TMEM33: variants seen among roughly 807,000 people sequenced by gnomAD.
The protein encoded by TMEM33 is transmembrane protein 33.
TMEM33 carries 16 observed loss-of-function variants against 29.7 expected under a neutral mutation model. The ratio of observed to expected loss-of-function variants is 0.54; its 90% confidence interval spans 0.36 to 0.82. TMEM33 has a LOEUF of 0.82. Among genes scored for constraint, TMEM33 ranks in the 40% least tolerant of loss-of-function variants. TMEM33 has a pLI of 0.00. For missense variants in TMEM33, 252 were observed against 295.3 expected (o/e 0.85, Z 1.08); for synonymous variants, 112 against 109.4 (o/e 1.02, Z -0.15).
intron 6 of TMEM33, among the ~76,000 whole-genome samples, chr4:41,953,485 G>A (rs1189142863): frequency 2.0e-5 from 3 of 152,178 alleles, no homozygotes; most frequent in Non-Finnish European, 4.4e-5. Flanking sequence ...CTTTTCCTTT[G>A]CATTCACAGC....
At chr4:41,950,058 G>C (rs1446224924) in intron 6 of TMEM33, among the ~76,000 whole-genome samples, 1 of 152,098 alleles carries the variant, frequency 6.6e-6, no homozygotes, top group African/African-American at 2.4e-5. Context: ...AAGAAGTTTG[G>C]AATTTATCTT....
At chr4:41,939,670 A>G in intron 3 of TMEM33, 1 of 503,788 alleles carries the variant, frequency 2.0e-6, no homozygotes, top group South Asian at 1.5e-5. Flanking sequence ...CTTACGCAGA[A>G]CTTACTTTAA....
At chr4:41,937,008 CTG>C (rs1022141217) in intron 1 of TMEM33, among the ~76,000 whole-genome samples, 4 of 150,634 alleles carry the variant, frequency 2.7e-5, no homozygotes, top group Admixed American at 6.6e-5. Flanking sequence ...TACTGTGACA[CTG>C]TGTGAATATT....
At position 41,958,660 on chromosome 4, in the gene TMEM33, A is replaced by G. The variant is rs1406787023; in HGVS notation, c.*4461A>G. The G allele has an allele frequency of 6.6e-6, 1 of 151,230 alleles. No homozygotes were observed. Among genetic ancestry groups the G allele is most frequent in the African/African-American group, 2.4e-5 (1 of 40,896 alleles). 9.4% of individuals were successfully genotyped at this position (151,230 alleles called of 1,614,324 possible). A position where few individuals can be genotyped will look rare whatever the true frequency, so the allele number is the denominator to read the frequency against. On this transcript the variant is annotated 3_prime_UTR_variant, in exon 7 of 7. Coordinates refer to ENST00000504986, the MANE Select transcript of TMEM33 (RefSeq NM_018126.3). ...ATGAGGAATGGCACCTAGATTTGAA[A>G]ATTATGCTTGGCTTGTAGAGACAAC...
rs999942308 is a variant in TMEM33 at position 41,958,043 on chromosome 4, C to T, written c.*3844C>T. ...CTTGTTTGTTTTTGAGACGGAGTTT[C>T]ACTCTTGTTGGCCAGGCTGGAGTGC... On this transcript the variant is annotated 3_prime_UTR_variant, in exon 7 of 7. Coordinates refer to ENST00000504986, the MANE Select transcript of TMEM33 (RefSeq NM_018126.3). 2 of 153,006 alleles carry T rather than the reference C, an allele frequency of 1.3e-5. No homozygotes were observed. Among genetic ancestry groups the T allele is most frequent in the Non-Finnish European group, 2.9e-5 (2 of 68,744 alleles). The allele number at this position is 153,006 out of a possible 1,614,324, so 9.5% of individuals were successfully genotyped here.
intron 6 of TMEM33, among the ~76,000 whole-genome samples, chr4:41,951,628 C>G (rs991962888): frequency 1.3e-5 from 2 of 152,192 alleles, no homozygotes; most frequent in Non-Finnish European, 2.9e-5. Flanking sequence ...ATTAAAATAT[C>G]TTCTTTCAGA....
At position 41,958,700 on chromosome 4, in the gene TMEM33, C is replaced by CTTTTTT. The variant is rs750862386; in HGVS notation, c.*4522_*4527dup. The CTTTTTT allele has an allele frequency of 5.3e-5, 5 of 93,784 alleles. No homozygotes were observed. Among genetic ancestry groups the CTTTTTT allele is most frequent in the African/African-American group, 9.6e-5 (2 of 20,792 alleles). The allele number at this position is 93,784 out of a possible 1,614,324, so 5.8% of individuals were successfully genotyped here. ...GTAGAGACAACTAGTTTCTCTCGCT[C>CTTTTTT]TTTTTTTTTTTTTTTTTTTTTTTTT... is the stretch of plus-strand genomic sequence containing the variant. On this transcript the variant is annotated 3_prime_UTR_variant, in exon 7 of 7. Transcript: ENST00000504986.
rs1713163628 is a variant in TMEM33 at position 41,954,189 on chromosome 4, C to G, written c.734C>G (p.Thr245Arg). The G allele has an allele frequency of 1.2e-6, 2 of 1,613,644 alleles. No homozygotes were observed. Among genetic ancestry groups the G allele is most frequent in the Admixed American group, 3.3e-5 (2 of 59,992 alleles). ...GCCTTTATAAGCAGATTGGCACCAA[C>G]AGTTCCATAGTTTAACATCTAGTTA... Reference protein sequence around the residue: ...SIAFISRLAPTVP With the variant: ...SIAFISRLAPRVP The change falls in exon 7 of 7, where the codon ACA (threonine) becomes AGA (arginine). Residue 245 changes from threonine to arginine, a missense_variant. Transcript: ENST00000504986.
rs1227051805 is a variant in TMEM33 at position 41,958,527 on chromosome 4, G to A, written c.*4328G>A. On this transcript the variant is annotated 3_prime_UTR_variant, in exon 7 of 7. Transcript: ENST00000504986. Reference sequence around the variant, plus strand: ...ATGTGTAAAAAATGGTACTTAAAGTGTTTTCATGATCATTTTGTAGGTAGA... The same window carrying A: ...ATGTGTAAAAAATGGTACTTAAAGTATTTTCATGATCATTTTGTAGGTAGA... 2.6e-5 allele frequency: 4 copies of A among 151,290 alleles called. No homozygotes were observed. Among genetic ancestry groups the A allele is most frequent in the Admixed American group, 2.6e-4 (4 of 15,242 alleles). 9.4% of individuals were successfully genotyped at this position (151,290 alleles called of 1,614,324 possible).
At chr4:41,951,091 A>G (rs2153127799) in intron 6 of TMEM33, among the ~76,000 whole-genome samples, 2 of 152,296 alleles carry the variant, frequency 1.3e-5, no homozygotes, top group African/African-American at 4.8e-5. Context: ...TTTTGAGACC[A>G]TCTCTATTCA....
chr4:41,942,577 A>G (rs1449995958), intron 3 of TMEM33, among the ~76,000 whole-genome samples: 3 of 152,140 alleles, frequency 2.0e-5, no homozygotes, highest in African/African-American at 7.2e-5. Context: ...GGAACTGGTA[A>G]TATTTTTAGG....
Position 41,943,986 on chromosome 4 carries a change from T to C in TMEM33, c.396+172T>C. On this transcript the variant is annotated intron_variant, in intron 4 of 6. Transcript: ENST00000504986. ...GTTTAAAAGTGTTTATTGTTGAAGT[T>C]TCACAAACTAGAACATTTTATAGAT... The C allele has an allele frequency of 6.9e-6, 4 of 581,294 alleles. No individual in the cohort carries two copies. The South Asian group carries it at 9.4e-5, about 14-fold the overall frequency. 36.0% of individuals were successfully genotyped at this position (581,294 alleles called of 1,614,324 possible).
At chr4:41,948,298 G>C (rs927092832) in intron 5 of TMEM33, among the ~76,000 whole-genome samples, 3 of 152,028 alleles carry the variant, frequency 2.0e-5, no homozygotes, top group African/African-American at 7.2e-5. Flanking sequence ...TTTGAGGAAG[G>C]GGCTAACTTG....
intron 2 of TMEM33, among the ~76,000 whole-genome samples, chr4:41,938,951 A>G (rs894251891): frequency 2.6e-5 from 4 of 152,110 alleles, no homozygotes; most frequent in Non-Finnish European, 5.9e-5. Context: ...TGTTTTTTTC[A>G]TTTTTACTTA....
Position 41,956,314 on chromosome 4 carries a change from T to C in TMEM33, c.*2115T>C, listed in dbSNP as rs1274296622. 1 of 152,222 alleles carries C rather than the reference T, an allele frequency of 6.6e-6. No homozygotes were observed. Among genetic ancestry groups the C allele is most frequent in the Admixed American group, 6.5e-5 (1 of 15,282 alleles). The allele number at this position is 152,222 out of a possible 1,614,324, so 9.4% of individuals were successfully genotyped here. Reference sequence around the variant, plus strand: ...CCGCGCCCTGCCAAGAAGAGTTCTTTTGCATACCCTTTACTCAGGTCCTCT... The same window carrying C: ...CCGCGCCCTGCCAAGAAGAGTTCTTCTGCATACCCTTTACTCAGGTCCTCT... On this transcript the variant is annotated 3_prime_UTR_variant, in exon 7 of 7. Transcript: ENST00000504986.
At position 41,954,397 on chromosome 4, in the gene TMEM33, G is replaced by A. The variant is rs943248885; in HGVS notation, c.*198G>A. ...AAAAGTTTTGAGAAAATTTTACTGCGCTGTGTTGCTAATGGTTAAAGAAGT... is the reference window on the plus strand; with the variant it reads ...AAAAGTTTTGAGAAAATTTTACTGCACTGTGTTGCTAATGGTTAAAGAAGT... On this transcript the variant is annotated 3_prime_UTR_variant, in exon 7 of 7. Coordinates refer to ENST00000504986, the MANE Select transcript of TMEM33 (RefSeq NM_018126.3). The A allele has an allele frequency of 1.2e-5, 6 of 489,048 alleles. No individual in the cohort carries two copies. The highest frequency in any genetic ancestry group is 5.9e-5 in the African/African-American group (3 of 51,166). The allele number at this position is 489,048 out of a possible 1,614,324, so 30.3% of individuals were successfully genotyped here. A position where few individuals can be genotyped will look rare whatever the true frequency, so the allele number is the denominator to read the frequency against.
At chr4:41,950,103 A>G (rs1712972665) in intron 6 of TMEM33, among the ~76,000 whole-genome samples, 1 of 152,130 alleles carries the variant, frequency 6.6e-6, no homozygotes, top group Non-Finnish European at 1.5e-5. Flanking sequence ...TGACATCGTC[A>G]GAATATTCTT....
intron 6 of TMEM33, among the ~76,000 whole-genome samples, chr4:41,952,555 G>A (rs1271362759): frequency 6.6e-6 from 1 of 152,096 alleles, no homozygotes; most frequent in Non-Finnish European, 1.5e-5. Context: ...ATACTTTGTA[G>A]GCAGTGAGCA....
At chr4:41,935,842 G>T (rs1712204174) in intron 1 of TMEM33, among the ~76,000 whole-genome samples, 1 of 152,208 alleles carries the variant, frequency 6.6e-6, no homozygotes, top group African/African-American at 2.4e-5. Flanking sequence ...GGTTAAAGAT[G>T]CCGCATGAGA....
Sources: allele counts gnomAD v4.1 joint callset (sites outside exome capture counted in the v4.1 genomes callset), GRCh38; gene constraint gnomAD v4.1.1; transcripts MANE v1.5; gene names NCBI Gene and HGNC (gene_info 2026-07-23, HGNC 2026-07-21).